MRC1: variants seen among roughly 807,000 people sequenced by gnomAD.
MRC1 encodes mannose receptor C-type 1, also known as macrophage mannose receptor 1.
Under a neutral mutation model 102.9 loss-of-function variants are expected in MRC1, and 62 were observed. The observed-to-expected ratio is 0.60, with a 90% CI of 0.49 to 0.74. The LOEUF (loss-of-function observed/expected upper bound fraction) is 0.74. MRC1 is among the 30% of genes least tolerant of loss of function. MRC1 has a pLI of 0.00. For synonymous variants in MRC1, 457 were observed against 298.4 expected (o/e 1.53, Z -5.48); for missense variants, 1,237 against 862.8 (o/e 1.43, Z -5.43).
At chr10:17,906,368 C>T (rs200377199) in intron 26 of MRC1, among the ~76,000 whole-genome samples, 1 of 151,324 alleles carries the variant, frequency 6.6e-6, no homozygotes, top group South Asian at 2.1e-4. Context: ...ATCTCTGTTC[C>T]TGAAGAAGTT....
chr10:17,891,188 A>G (rs1258978126), intron 22 of MRC1, among the ~76,000 whole-genome samples: 2 of 142,192 alleles, frequency 1.4e-5, no homozygotes, highest in African/African-American at 2.7e-5. Context: ...TATTTTTGAG[A>G]TGGAGTCTCA....
At chr10:17,879,993 C>T (rs2130689594) in intron 19 of MRC1, among the ~76,000 whole-genome samples, 172 bp downstream of exon 19, 1 of 152,294 alleles carries the variant, frequency 6.6e-6, no homozygotes, top group South Asian at 2.1e-4. Flanking sequence ...AGAATAGATG[C>T]TTAACATTTA....
intron 17 of MRC1, among the ~76,000 whole-genome samples, chr10:17,875,842 C>G (rs917050996): frequency 2.2e-4 from 34 of 152,330 alleles, no homozygotes; most frequent in African/African-American, 8.2e-4. Context: ...AATCTCCATA[C>G]TGTTTTGCAT....
chr10:17,815,260 A>G (rs1464423066), intron 1 of MRC1, among the ~76,000 whole-genome samples: 2 of 152,180 alleles, frequency 1.3e-5, no homozygotes, highest in African/African-American at 4.8e-5. Context: ...CGAGCAGCGG[A>G]GTCTGTTACC....
intron 3 of MRC1, among the ~76,000 whole-genome samples, chr10:17,828,518 T>C (rs1838519425): frequency 6.6e-6 from 1 of 151,342 alleles, no homozygotes; most frequent in African/African-American, 2.5e-5. Context: ...AAACCATAGA[T>C]CAAAAACAGA....
At chr10:17,873,036 TGGTC>T in intron 15 of MRC1, among the ~76,000 whole-genome samples, 1 of 152,316 alleles carries the variant, frequency 6.6e-6, no homozygotes, top group Non-Finnish European at 1.5e-5. Context: ...TGTCCTTTAA[TGGTC>T]TCTTATCTAC....
chr10:17,902,029 A>G lies in MRC1; in HGVS notation c.3706A>G (p.Thr1236Ala). ...TGGCAGATGCCCGGAGTCAGATCAC[A>G]CAGCATGGATTCCTTTCCATGGTCA... The part of the protein sequence containing the change: ...LPGRCPESDH[T>A]AWIPFHGHCY... Residue 1236 changes from threonine to alanine, a missense_variant, in exon 26 of 30, where the codon ACA (threonine) becomes GCA (alanine). Physicochemically the swap from Thr to Ala is moderately conservative, Grantham distance 58 (BLOSUM62 0). Coordinates refer to ENST00000569591, the MANE Select transcript of MRC1 (RefSeq NM_002438.4). 2.6e-6 allele frequency: 2 copies of G among 780,848 alleles called. No homozygotes were observed. The highest frequency in any genetic ancestry group is 4.8e-6 in the Non-Finnish European group (2 of 417,962). The allele number at this position is 780,848 out of a possible 1,614,324, so 48.4% of individuals were successfully genotyped here.
intron 22 of MRC1, among the ~76,000 whole-genome samples, chr10:17,893,269 C>CCTCA (rs1454933829): frequency 2.0e-5 from 3 of 151,954 alleles, no homozygotes; most frequent in Non-Finnish European, 4.4e-5. Flanking sequence ...GATCCTCCCA[C>CCTCA]CTCAGTCTCC....
At chr10:17,867,442 C>T (rs972952340) in intron 12 of MRC1, among the ~76,000 whole-genome samples, 2 of 149,298 alleles carry the variant, frequency 1.3e-5, no homozygotes, top group African/African-American at 5.0e-5. Flanking sequence ...TTTCTTTCTC[C>T]AGTGGGGTCG....
chr10:17,835,473 A>T (rs940956596), intron 4 of MRC1, among the ~76,000 whole-genome samples: 18 of 152,218 alleles, frequency 1.2e-4, no homozygotes, highest in Admixed American at 3.3e-4. Flanking sequence ...CAAGAAAACA[A>T]ACAAATGAAT....
At chr10:17,827,443 A>AGAAGAG (rs1838497810) in intron 2 of MRC1, 99 bp from the exon 3 acceptor site, 2 of 679,250 alleles carry the variant, frequency 2.9e-6, no homozygotes, top group Non-Finnish European at 2.7e-6. Context: ...AAGTGTAATC[A>AGAAGAG]GAACAGTAAG....
At chr10:17,825,317 T>G (rs1409411180) in intron 2 of MRC1, among the ~76,000 whole-genome samples, 3 of 152,118 alleles carry the variant, frequency 2.0e-5, no homozygotes, top group Non-Finnish European at 4.4e-5. Context: ...GATGGTTATT[T>G]GGAAGTTCAG....
intron 1 of MRC1, among the ~76,000 whole-genome samples, chr10:17,811,747 T>A (rs1444672201): frequency 6.6e-6 from 1 of 151,984 alleles, no homozygotes; most frequent in African/African-American, 2.4e-5. Context: ...TTTTTAATTT[T>A]TTTTATTTTT....
At chr10:17,894,830 A>C (rs1333340467) in intron 23 of MRC1, among the ~76,000 whole-genome samples, 1 of 152,082 alleles carries the variant, frequency 6.6e-6, no homozygotes, top group Non-Finnish European at 1.5e-5. Flanking sequence ...CCCCACATGC[A>C]TTAGCTCTTT....
At position 17,828,629 on chromosome 10, in the gene MRC1, TAGTC is replaced by T. The variant is rs1231578672; in HGVS notation, c.637+917_637+920del. ...AAAGTGTTCTTCACAGTGAAAATGA[TAGTC>T]AGGATACTCTTCTTATGTTTAAATT... On this transcript the variant is annotated intron_variant, in intron 3 of 29. Transcript: ENST00000569591. Among the ~76,000 whole-genome samples, 17 of 151,670 alleles carry T rather than the reference TAGTC, an allele frequency of 1.1e-4. 1 individual carries two copies. Among genetic ancestry groups the T allele is most frequent in the African/African-American group, 4.2e-4 (17 of 40,936 alleles).
In MRC1 at chr10:17,836,445, A is replaced by T. The variant is rs370376280; in HGVS notation, c.802+2606A>T. Among the ~76,000 whole-genome samples the T allele has an allele frequency of 9.7e-3, 1,475 of 152,348 alleles. 13 individuals carry two copies. The highest frequency in any genetic ancestry group is 0.024 in the East Asian group (123 of 5,190). On this transcript the variant is annotated intron_variant, in intron 4 of 29. Coordinates refer to ENST00000569591, the MANE Select transcript of MRC1 (RefSeq NM_002438.4). ...AGGAAGAGGAGAAAGTACAGAATAG[A>T]CAAAAGTAAATTTATGTAGATGATT...
At chr10:17,868,546 G>A (rs930070987) in intron 12 of MRC1, among the ~76,000 whole-genome samples, 26,026 of 152,122 alleles carry the variant, frequency 0.17, 2,538 homozygotes, top group East Asian at 0.25. Context: ...ATGAGATTTG[G>A]GTGGGGACAC....
rs1051874886 is a variant in MRC1, at chr10:17,896,827, G to A, written c.3251-1207G>A. Among the ~76,000 whole-genome samples, 16 of 152,288 alleles carry A rather than the reference G, an allele frequency of 1.1e-4. No individual in the cohort carries two copies. The East Asian group carries it at 3.1e-3, about 29-fold the overall frequency. ...AAAAAGTTGGCACTTCTGTAGTGAAGGACAAGGCCAATGGCAGGTCATGCA... is the reference window on the plus strand; with the variant it reads ...AAAAAGTTGGCACTTCTGTAGTGAAAGACAAGGCCAATGGCAGGTCATGCA... On this transcript the variant is annotated intron_variant, in intron 23 of 29. Transcript: ENST00000569591.
chr10:17,827,368 T>G (rs201099760), intron 2 of MRC1, among the ~76,000 whole-genome samples, 174 bp from the exon 3 acceptor site: 2 of 15,756 alleles, frequency 1.3e-4, no homozygotes, highest in Non-Finnish European at 2.3e-4. Flanking sequence ...GGAAAAAAAA[T>G]ACCCAAAAAA....
Sources: gnomAD v4.1 joint callset for allele counts (sites outside exome capture counted in the v4.1 genomes callset) on GRCh38, gnomAD v4.1.1 for gene constraint, MANE v1.5 for transcripts, NCBI Gene and HGNC (gene_info 2026-07-23, HGNC 2026-07-21) for gene names.